The following TNFRSF9 variants were observed in gnomAD, a reference collection of about 807,000 sequenced individuals.
TNFRSF9 encodes TNF receptor superfamily member 9.
Under a neutral mutation model 28.8 loss-of-function variants are expected in TNFRSF9, and 16 were observed. The observed-to-expected ratio is 0.55, with a 90% CI of 0.38 to 0.84. The LOEUF (loss-of-function observed/expected upper bound fraction) is 0.84. Among genes scored for constraint, TNFRSF9 ranks in the 40% least tolerant of loss-of-function variants. The pLI, the probability that TNFRSF9 is intolerant of heterozygous loss-of-function variation, is 0.00. For synonymous variants in TNFRSF9, 131 were observed against 117.0 expected (o/e 1.12, Z -0.77); for missense variants, 303 against 315.0 (o/e 0.96, Z 0.29).
chr1:7,923,214 A>G (rs548529252), intron 7 of TNFRSF9, among the ~76,000 whole-genome samples: 1 of 152,198 alleles, frequency 6.6e-6, no homozygotes, highest in Non-Finnish European at 1.5e-5. Flanking sequence ...AAACTTCTAG[A>G]CAATAACCAC....
At position 7,935,067 on chromosome 1, in the gene TNFRSF9, C is replaced by T. The variant is rs1192514292; in HGVS notation, c.490G>A (p.Asp164Asn). ...RDVVCGPSPA[D>N]LSPGASSVTP... Reference sequence around the variant, plus strand: ...ACAGAGGATGCTCCCGGAGAGAGGTCGGCTGGAGATGGTCCACAGACCACG... The same window carrying T: ...ACAGAGGATGCTCCCGGAGAGAGGTTGGCTGGAGATGGTCCACAGACCACG... The change falls in exon 6 of 8, where the codon GAC becomes AAC. Residue 164 changes from aspartate (D) to asparagine (N), a missense_variant. By Grantham distance (23) the Asp-to-Asn change is conservative. Transcript: ENST00000377507. The T allele has an allele frequency of 3.7e-6, 6 of 1,614,220 alleles. No individual in the cohort carries two copies. Among genetic ancestry groups the T allele is most frequent in the Non-Finnish European group, 5.1e-6 (6 of 1,180,032 alleles).
rs374931855 is a variant in TNFRSF9 at position 7,931,165 on chromosome 1, G to A, written c.679+1997C>T. ...GTGGAGTAACAGGAAACTCATTACC[G>A]CCAGGGGAGTGTAAATGGGGTCCAA... On this transcript the variant is annotated intron_variant, in intron 7 of 7. Transcript: ENST00000377507. Among the ~76,000 whole-genome samples, 12 of 152,286 alleles carry A rather than the reference G, an allele frequency of 7.9e-5. No individual in the cohort carries two copies. The South Asian group carries it at 1.2e-3, about 16-fold the overall frequency.
intron 5 of TNFRSF9, chr1:7,936,515 T>C (rs992509044): frequency 1.3e-5 from 2 of 152,514 alleles, no homozygotes; most frequent in African/African-American, 2.4e-5. Context: ...GAGAAAATAG[T>C]CAATACTTTT....
At position 7,916,750 on chromosome 1, in the gene TNFRSF9, T is replaced by C. The variant is rs772844654; in HGVS notation, c.*4085A>G. 3 of 152,192 alleles carry C rather than the reference T, an allele frequency of 2.0e-5. No homozygotes were observed. Among genetic ancestry groups the C allele is most frequent in the East Asian group, 3.8e-4 (2 of 5,198 alleles). The allele number at this position is 152,192 out of a possible 1,614,324, so 9.4% of individuals were successfully genotyped here. On this transcript the variant is annotated 3_prime_UTR_variant, in exon 8 of 8. Coordinates refer to ENST00000377507, the MANE Select transcript of TNFRSF9 (RefSeq NM_001561.6). ...TGCTTTGCCTACTATTTGGCAAGAA[T>C]TGTACAGCCAATAATTGTTCTCTTA...
At chr1:7,922,371 G>A (rs192835017) in intron 7 of TNFRSF9, among the ~76,000 whole-genome samples, 1 of 152,282 alleles carries the variant, frequency 6.6e-6, no homozygotes, top group East Asian at 1.9e-4. Context: ...CTCTCAGAAA[G>A]GCAGAGAGAG....
At chr1:7,940,523 C>G (rs1274264795) in intron 1 of TNFRSF9, among the ~76,000 whole-genome samples, 1 of 152,204 alleles carries the variant, frequency 6.6e-6, no homozygotes, top group Admixed American at 6.5e-5. Flanking sequence ...CACCTAACTA[C>G]TAACATGTGG....
rs1399281402 is a variant in TNFRSF9, at chr1:7,938,721, C to T, written c.208G>A (p.Gly70Ser). 2 of 1,608,868 alleles carry T rather than the reference C, an allele frequency of 1.2e-6. No individual in the cohort carries two copies. Among genetic ancestry groups the T allele is most frequent in the South Asian group, 1.1e-5 (1 of 90,638 alleles). The change falls in exon 3 of 8, where the codon GGT (glycine) becomes AGT (serine). Residue 70 changes from glycine to serine, a missense_variant and splice_region_variant. By Grantham distance (56) the Gly-to-Ser change is moderately conservative. Transcript: ENST00000377507. ...GAAGAAAATATCTTTGAACTCATAC[C>T]TTTACACTGCCTGCATATGTCACAG... The part of the protein sequence containing the change: ...RTCDICRQCK[G>S]VFRTRKECSS...
rs532965084 is a variant in TNFRSF9 at position 7,921,317 on chromosome 1, C to T, written c.680-394G>A. Among the ~76,000 whole-genome samples the T allele has an allele frequency of 3.3e-5, 5 of 150,160 alleles. No individual in the cohort carries two copies. In the South Asian group the frequency reaches 1.0e-3, roughly 31 times the overall value. On this transcript the variant is annotated intron_variant, in intron 7 of 7. Coordinates refer to ENST00000377507, the MANE Select transcript of TNFRSF9 (RefSeq NM_001561.6). ...CGCCATTGCACTCCAGCCTGGGTGA[C>T]AACAGCGAAACTCTGTCTCAAAAAA...
intron 6 of TNFRSF9, 108 bp from the exon 7 acceptor site, chr1:7,933,404 C>T (rs749868713): frequency 7.4e-7 from 1 of 1,345,576 alleles, no homozygotes; most frequent in Non-Finnish European, 1.0e-6. Context: ...GAATCACAGC[C>T]TTGGGCATCT....
At position 7,921,336 on chromosome 1, in the gene TNFRSF9, C is replaced by T. The variant is rs1639555214; in HGVS notation, c.680-413G>A. Among the ~76,000 whole-genome samples the T allele has an allele frequency of 5.0e-5, 5 of 99,184 alleles. No homozygotes were observed. In the South Asian group the frequency reaches 1.5e-3, roughly 29 times the overall value. 65.1% of individuals were successfully genotyped at this position (99,184 alleles called of 152,430 possible). On this transcript the variant is annotated intron_variant, in intron 7 of 7. Transcript: ENST00000377507. The stretch of plus-strand genomic sequence containing the variant: ...GGGTGACAACAGCGAAACTCTGTCT[C>T]AAAAAACAAAACAAAACAAAACAAA...
rs961084714 is a variant in TNFRSF9, at chr1:7,918,979, T to C, written c.*1856A>G. On this transcript the variant is annotated 3_prime_UTR_variant, in exon 8 of 8. Coordinates refer to ENST00000377507, the MANE Select transcript of TNFRSF9 (RefSeq NM_001561.6). Reference sequence around the variant, plus strand: ...AGTAGACTATTGTTCAGAAATATCTTCTCCTCACCCCTATTTACAGAATAT... The same window carrying C: ...AGTAGACTATTGTTCAGAAATATCTCCTCCTCACCCCTATTTACAGAATAT... The C allele has an allele frequency of 2.0e-5, 3 of 152,128 alleles. No homozygotes were observed. The highest frequency in any genetic ancestry group is 7.2e-5 in the African/African-American group (3 of 41,436). The allele number at this position is 152,128 out of a possible 1,614,324, so 9.4% of individuals were successfully genotyped here. A position where few individuals can be genotyped will look rare whatever the true frequency, so the allele number is the denominator to read the frequency against.
chr1:7,925,527 C>T (rs955364363), intron 7 of TNFRSF9, among the ~76,000 whole-genome samples: 14 of 152,080 alleles, frequency 9.2e-5, no homozygotes. Context: ...GGGATGGTTT[C>T]AGGATGATTC....
intron 1 of TNFRSF9, among the ~76,000 whole-genome samples, chr1:7,940,366 T>C (rs770519344): frequency 6.6e-6 from 1 of 152,234 alleles, no homozygotes; most frequent in African/African-American, 2.4e-5. Flanking sequence ...GGGACTTTCA[T>C]AGGTACTTTG....
intron 7 of TNFRSF9, among the ~76,000 whole-genome samples, chr1:7,932,357 T>A (rs1249672567): frequency 6.6e-6 from 1 of 152,158 alleles, no homozygotes; most frequent in East Asian, 1.9e-4. Flanking sequence ...ATCTATATAC[T>A]TTTTCAAATA....
chr1:7,937,864 A>G (rs1639844049), intron 4 of TNFRSF9, 108 bp from the exon 5 acceptor site: 1 of 951,826 alleles, frequency 1.1e-6, no homozygotes, highest in Non-Finnish European at 1.6e-6. Flanking sequence ...AATCTGCACA[A>G]ATTGTTCAAT....
At chr1:7,938,587 C>T (rs886695510) in intron 3 of TNFRSF9, 134 bp downstream of exon 3, 2 of 833,754 alleles carry the variant, frequency 2.4e-6, no homozygotes, top group South Asian at 3.9e-5. Context: ...TATTATTGTC[C>T]TAGACCTGCT....
rs1639481936 is a variant in TNFRSF9 at position 7,916,685 on chromosome 1, G to C, written c.*4150C>G. On this transcript the variant is annotated 3_prime_UTR_variant, in exon 8 of 8. Transcript: ENST00000377507. ...AGAAAGACAAAAATATTCGCACCTA[G>C]CTTTGTTCCTGAAATGGCACCAGTA... 1 of 152,136 alleles carries C rather than the reference G, an allele frequency of 6.6e-6. No individual in the cohort carries two copies. The highest frequency in any genetic ancestry group is 6.6e-5 in the Admixed American group (1 of 15,258). The allele number at this position is 152,136 out of a possible 1,614,324, so 9.4% of individuals were successfully genotyped here. A position where few individuals can be genotyped will look rare whatever the true frequency, so the allele number is the denominator to read the frequency against.
At chr1:7,926,469 T>C (rs1639652348) in intron 7 of TNFRSF9, among the ~76,000 whole-genome samples, 2 of 152,222 alleles carry the variant, frequency 1.3e-5, no homozygotes, top group Admixed American at 1.3e-4. Context: ...AAGTGATATG[T>C]GACTGTACTT....
At chr1:7,929,967 C>CTTTTTTT (rs56299901) in intron 7 of TNFRSF9, among the ~76,000 whole-genome samples, 1 of 113,106 alleles carries the variant, frequency 8.8e-6, no homozygotes, top group Non-Finnish European at 1.7e-5. Flanking sequence ...GACCTAAAAC[C>CTTTTTTT]TTTTTTTTTT....
Sources: gnomAD v4.1 joint callset for allele counts (sites outside exome capture counted in the v4.1 genomes callset) on GRCh38, gnomAD v4.1.1 for gene constraint, MANE v1.5 for transcripts, NCBI Gene and HGNC (gene_info 2026-07-23, HGNC 2026-07-21) for gene names.